The following ASIC2 variants were observed in gnomAD, a reference collection of about 807,000 sequenced individuals.
ASIC2 encodes acid sensing ion channel subunit 2.
Under a neutral mutation model 57.3 loss-of-function variants are expected in ASIC2, and 25 were observed. That is an observed-to-expected ratio of 0.44 (90% CI 0.32 to 0.61). ASIC2 has a LOEUF of 0.61. ASIC2 is among the 20% of genes least tolerant of loss of function. The pLI, the probability that ASIC2 is intolerant of heterozygous loss-of-function variation, is 0.06. For missense variants in ASIC2, 641 were observed against 738.1 expected (o/e 0.87, Z 1.52); for synonymous variants, 319 against 307.5 (o/e 1.04, Z -0.39).
At chr17:33,149,742 A>G (rs1269494651) in intron 1 of ASIC2, among the ~76,000 whole-genome samples, 1 of 152,208 alleles carries the variant, frequency 6.6e-6, no homozygotes, top group Non-Finnish European at 1.5e-5. Flanking sequence ...CATCACTATT[A>G]TTTTAATTTT....
chr17:33,611,714 G>A lies in ASIC2; in HGVS notation c.556-499647C>T, dbSNP rs114867441. The stretch of plus-strand genomic sequence containing the variant: ...TGAGAAGTTAAGCTAGATTGTGCAA[G>A]CACATGCAAAACCTCTGCTCACATA... On this transcript the variant is annotated intron_variant, in intron 1 of 9. Coordinates refer to the ASIC2 transcript ENST00000359872. Among the ~76,000 whole-genome samples, 788 of 152,340 alleles carry A rather than the reference G, an allele frequency of 5.2e-3. 9 individuals are homozygous for A. Among genetic ancestry groups the A allele is most frequent in the African/African-American group, 0.018 (738 of 41,582 alleles).
intron 1 of ASIC2, among the ~76,000 whole-genome samples, chr17:33,425,839 T>A (rs372616660): frequency 6.6e-6 from 1 of 152,076 alleles, no homozygotes; most frequent in Admixed American, 6.6e-5. Context: ...ACAGAAAATG[T>A]GTGGGTGACT....
intron 1 of ASIC2, among the ~76,000 whole-genome samples, chr17:33,439,528 CT>C (rs912710596): frequency 1.3e-5 from 2 of 152,170 alleles, no homozygotes; most frequent in African/African-American, 4.8e-5. Flanking sequence ...AATTACCCCC[CT>C]CTATTCCCTG....
At chr17:33,902,498 G>A (rs146865668) in intron 1 of ASIC2, among the ~76,000 whole-genome samples, 76 of 152,304 alleles carry the variant, frequency 5.0e-4, no homozygotes, top group African/African-American at 1.7e-3. Context: ...CAAGAAGTAT[G>A]TCCACTTCAG....
At chr17:33,626,199 A>G (rs1054626483) in intron 1 of ASIC2, among the ~76,000 whole-genome samples, 2 of 152,132 alleles carry the variant, frequency 1.3e-5, no homozygotes, top group African/African-American at 2.4e-5. Flanking sequence ...ATAAAATTGG[A>G]TGTATTCTTA....
intron 2 of ASIC2, among the ~76,000 whole-genome samples, chr17:33,102,846 T>C (rs777802538): frequency 2.6e-5 from 4 of 152,180 alleles, no homozygotes; most frequent in Non-Finnish European, 4.4e-5. Context: ...TGCAATGGCA[T>C]GATCTCGGCT....
chr17:33,096,188 C>A (rs895508998), intron 2 of ASIC2, among the ~76,000 whole-genome samples: 13 of 152,208 alleles, frequency 8.5e-5, no homozygotes, highest in African/African-American at 3.1e-4. Context: ...TTCCCTAAAG[C>A]ATTTCCTGAG....
intron 1 of ASIC2, among the ~76,000 whole-genome samples, chr17:33,578,593 A>G (rs966322507): frequency 2.0e-5 from 3 of 152,140 alleles, no homozygotes; most frequent in African/African-American, 7.2e-5. Context: ...GCCTTTGCCT[A>G]TTCTTGGGAA....
chr17:33,794,179 T>A (rs1238473467), intron 1 of ASIC2: 4 of 152,182 alleles, frequency 2.6e-5, no homozygotes, highest in Non-Finnish European at 5.9e-5. Flanking sequence ...TGAGTGACTT[T>A]ATAGTCTCCT....
At chr17:33,878,755 A>G (rs1914619081) in intron 1 of ASIC2, among the ~76,000 whole-genome samples, 1 of 152,208 alleles carries the variant, frequency 6.6e-6, no homozygotes, top group Admixed American at 6.5e-5. Flanking sequence ...AAATACAGAG[A>G]ATGCCACAAA....
intron 1 of ASIC2, among the ~76,000 whole-genome samples, chr17:33,283,649 A>G (rs560208741): frequency 4.0e-4 from 61 of 152,324 alleles, no homozygotes; most frequent in African/African-American, 1.5e-3. Flanking sequence ...GCAAAGGTAT[A>G]TGGGGCCTTA....
intron 1 of ASIC2, among the ~76,000 whole-genome samples, chr17:33,377,210 C>T (rs1175068628): frequency 6.6e-6 from 1 of 152,096 alleles, no homozygotes; most frequent in Non-Finnish European, 1.5e-5. Context: ...GCTACCACAT[C>T]CAGCTAATTT....
At chr17:33,125,106 A>G (rs1280442287) in intron 1 of ASIC2, among the ~76,000 whole-genome samples, 3 of 152,238 alleles carry the variant, frequency 2.0e-5, no homozygotes, top group African/African-American at 4.8e-5. Flanking sequence ...TCTGTGGCCC[A>G]GTTCCCAACA....
chr17:33,591,857 T>C (rs1435328133), intron 1 of ASIC2, among the ~76,000 whole-genome samples: 2 of 152,186 alleles, frequency 1.3e-5, no homozygotes, highest in African/African-American at 4.8e-5. Flanking sequence ...GCTTTTGTTT[T>C]AGTTTGCTTG....
At chr17:33,869,211 C>T (rs1216398212) in intron 1 of ASIC2, among the ~76,000 whole-genome samples, 1 of 152,096 alleles carries the variant, frequency 6.6e-6, no homozygotes, top group Non-Finnish European at 1.5e-5. Flanking sequence ...AATGAAAATG[C>T]CATTTCACAA....
chr17:34,066,054 G>A (rs567109409), intron 1 of ASIC2, among the ~76,000 whole-genome samples: 15 of 152,206 alleles, frequency 9.9e-5, no homozygotes, highest in African/African-American at 2.6e-4. Context: ...AACTAGATTC[G>A]AGAACAGGAA....
At chr17:33,139,527 T>C (rs566832432) in intron 1 of ASIC2, among the ~76,000 whole-genome samples, 1 of 152,332 alleles carries the variant, frequency 6.6e-6, no homozygotes, top group African/African-American at 2.4e-5. Flanking sequence ...CTTGATGTTG[T>C]CCCACACTTC....
intron 1 of ASIC2, among the ~76,000 whole-genome samples, chr17:33,736,911 T>C (rs541186355): frequency 1.8e-3 from 273 of 152,212 alleles, no homozygotes; most frequent in Middle Eastern, 3.4e-3. Flanking sequence ...TGGATCTAAA[T>C]AATGTGGTCT....
chr17:34,121,530 G>T (rs908489142), intron 1 of ASIC2, among the ~76,000 whole-genome samples: 1 of 152,126 alleles, frequency 6.6e-6, no homozygotes, highest in African/African-American at 2.4e-5. Context: ...AAGTGTCCCT[G>T]CTACATATTC....
Sources: allele counts gnomAD v4.1 joint callset (sites outside exome capture counted in the v4.1 genomes callset), GRCh38; gene constraint gnomAD v4.1.1; transcripts MANE v1.5; gene names NCBI Gene and HGNC (gene_info 2026-07-23, HGNC 2026-07-21).